IL33: variants seen among roughly 807,000 people sequenced by gnomAD.
The protein encoded by IL33 is interleukin-33.
IL33 carries 37 observed loss-of-function variants against 27.3 expected under a neutral mutation model. That is an observed-to-expected ratio of 1.36 (90% confidence interval 1.04 to 1.78). The LOEUF is 1.78. Among genes scored for constraint, IL33 ranks in the 40% most tolerant of loss-of-function variants. The pLI is 0.00. For missense variants in IL33, 406 were observed against 311.4 expected (o/e 1.30, Z -2.29); for synonymous variants, 132 against 102.9 (o/e 1.28, Z -1.71).
intron 1 of IL33, among the ~76,000 whole-genome samples, chr9:6,233,612 T>C (rs1819035820): frequency 6.6e-6 from 1 of 152,226 alleles, no homozygotes; most frequent in African/African-American, 2.4e-5. Flanking sequence ...CCAGCTACTG[T>C]GCTAAGCGCT....
At chr9:6,249,574 A>G (rs974914869) in intron 2 of IL33, among the ~76,000 whole-genome samples, 2 of 152,220 alleles carry the variant, frequency 1.3e-5, no homozygotes, top group African/African-American at 4.8e-5. Flanking sequence ...CTGAATAATT[A>G]ACTTTTTTAC....
chr9:6,217,009 A>C (rs1163849859), intron 1 of IL33, among the ~76,000 whole-genome samples: 1 of 152,156 alleles, frequency 6.6e-6, no homozygotes, highest in East Asian at 1.9e-4. Context: ...AAAAATTTGG[A>C]GGCTAGGGTT....
At chr9:6,254,111 G>A (rs1344293548) in intron 6 of IL33, among the ~76,000 whole-genome samples, 2 of 152,152 alleles carry the variant, frequency 1.3e-5, no homozygotes, top group Admixed American at 6.5e-5. Context: ...GCCATAAGAA[G>A]GCAAGCTGGG....
chr9:6,235,982 A>G (rs1299045375), intron 1 of IL33, among the ~76,000 whole-genome samples: 1 of 150,412 alleles, frequency 6.6e-6, no homozygotes, highest in Non-Finnish European at 1.5e-5. Context: ...ATATTTTCAA[A>G]GAATCACAAC....
intron 2 of IL33, among the ~76,000 whole-genome samples, chr9:6,248,708 G>C (rs1445814239): frequency 6.6e-6 from 1 of 151,920 alleles, no homozygotes. Flanking sequence ...CCAAGTTGCT[G>C]AGACTACAGG....
chr9:6,229,771 G>C (rs1490795482), intron 1 of IL33, among the ~76,000 whole-genome samples: 2 of 152,160 alleles, frequency 1.3e-5, no homozygotes, highest in African/African-American at 4.8e-5. Flanking sequence ...CACAACCCTT[G>C]TTCCCAAGGA....
intron 1 of IL33, among the ~76,000 whole-genome samples, chr9:6,219,435 A>T (rs1246868576): frequency 6.6e-6 from 1 of 152,150 alleles, no homozygotes; most frequent in Non-Finnish European, 1.5e-5. Context: ...CATGCTGCTC[A>T]TGTTATTATC....
intron 1 of IL33, among the ~76,000 whole-genome samples, chr9:6,231,353 C>T (rs1014479455): frequency 4.6e-5 from 7 of 152,150 alleles, no homozygotes; most frequent in African/African-American, 1.7e-4. Flanking sequence ...CCATTGCCCG[C>T]TCTGCTCCAG....
intron 1 of IL33, among the ~76,000 whole-genome samples, chr9:6,240,462 C>G (rs1819466029): frequency 6.6e-6 from 1 of 152,078 alleles, no homozygotes; most frequent in African/African-American, 2.4e-5. Flanking sequence ...CAGAGGAAGC[C>G]TTCAGGTTGT....
chr9:6,241,583 T>A, intron 1 of IL33, 101 bp from the exon 2 acceptor site: 4 of 622,786 alleles, frequency 6.4e-6, no homozygotes, highest in Non-Finnish European at 1.1e-5. Context: ...TTATTTCCTC[T>A]ATATGGTTAT....
chr9:6,252,077 ACAAAACAAAACAAAAAAAC>A (rs1564073331), intron 4 of IL33, among the ~76,000 whole-genome samples: 1,693 of 135,612 alleles, frequency 0.012, 99 homozygotes, highest in African/African-American at 0.041. Context: ...CCAACAAAAA[ACAAAACAAAACAAAAAAAC>A]CAACTTTACC....
rs1816283684 is a variant in IL33 at position 6,250,475 on chromosome 9, A to C, written c.93A>C (p.Lys31Asn). The C allele has an allele frequency of 6.2e-7, 1 of 1,612,872 alleles. No homozygotes were observed. Among genetic ancestry groups the C allele is most frequent in the Non-Finnish European group, 8.5e-7 (1 of 1,179,512 alleles). Residue 31 changes from lysine (K) to asparagine (N), a missense_variant and splice_region_variant, in exon 3 of 8, where the codon AAA (lysine) becomes AAC (asparagine). Transcript: ENST00000682010. ...ASKALCFKLG[K>N]SQQKAKEVCP... Reference sequence around the variant, plus strand: ...CTCACAAGTTTTTCAATTGTTTAGAATCCCAACAGAAGGCCAAAGAAGTTT... The same window carrying C: ...CTCACAAGTTTTTCAATTGTTTAGACTCCCAACAGAAGGCCAAAGAAGTTT...
intron 4 of IL33, among the ~76,000 whole-genome samples, chr9:6,252,043 ACAAACAAACAAAC>A (rs752409277): frequency 0.19 from 10,745 of 56,350 alleles, 1,534 homozygotes; most frequent in African/African-American, 0.29. Context: ...CAGAAAAAAA[ACAAACAAACAAAC>A]AAAAAAAAAC....
At chr9:6,233,126 C>T (rs1819005743) in intron 1 of IL33, among the ~76,000 whole-genome samples, 2 of 152,170 alleles carry the variant, frequency 1.3e-5, no homozygotes, top group African/African-American at 2.4e-5. Context: ...TCTTCCAAAA[C>T]TGAAACTCTA....
intron 2 of IL33, among the ~76,000 whole-genome samples, chr9:6,243,898 T>C (rs1819677771): frequency 6.6e-6 from 1 of 152,220 alleles, no homozygotes; most frequent in Non-Finnish European, 1.5e-5. Flanking sequence ...ACCCACACTG[T>C]TCTTTGGTGA....
chr9:6,250,846 A>G (rs1420532850), intron 3 of IL33, among the ~76,000 whole-genome samples: 3 of 152,224 alleles, frequency 2.0e-5, no homozygotes, highest in Non-Finnish European at 4.4e-5. Context: ...ATATGTTTAC[A>G]ATATTTTTAA....
intron 1 of IL33, among the ~76,000 whole-genome samples, chr9:6,239,048 G>A: frequency 6.6e-6 from 1 of 152,130 alleles, no homozygotes; most frequent in East Asian, 1.9e-4. Context: ...TTCTGAGAGA[G>A]AAAGAACAAA....
chr9:6,233,619 C>T (rs182794002), intron 1 of IL33, among the ~76,000 whole-genome samples: 14 of 152,220 alleles, frequency 9.2e-5, no homozygotes, highest in Admixed American at 5.2e-4. Context: ...CTGTGCTAAG[C>T]GCTGAAAATA....
chr9:6,238,914 A>G (rs1289566120), intron 1 of IL33, among the ~76,000 whole-genome samples: 2 of 152,212 alleles, frequency 1.3e-5, no homozygotes, highest in East Asian at 3.8e-4. Flanking sequence ...TTTATGATAC[A>G]GAACTCCATA....
Sources: allele counts gnomAD v4.1 joint callset (sites outside exome capture counted in the v4.1 genomes callset), GRCh38; gene constraint gnomAD v4.1.1; transcripts MANE v1.5; gene names NCBI Gene and HGNC (gene_info 2026-07-23, HGNC 2026-07-21).